Variants in SLMAP observed in about 807,000 individuals in gnomAD.
SLMAP encodes sarcolemmal membrane-associated protein.
In SLMAP, 44 loss-of-function variants were observed where a neutral mutation model predicts 128.8. The ratio of observed to expected loss-of-function variants is 0.34; its 90% CI spans 0.27 to 0.44. The LOEUF is 0.44. Ranked by LOEUF, SLMAP falls within the 20% of genes least tolerant of loss-of-function variation. The pLI is 1.00. For missense variants in SLMAP, 787 were observed against 985.3 expected (o/e 0.80, Z 2.69); for synonymous variants, 327 against 348.8 (o/e 0.94, Z 0.70).
chr3:57,859,875 A>G (rs769139379), intron 8 of SLMAP, among the ~76,000 whole-genome samples: 1 of 152,198 alleles, frequency 6.6e-6, no homozygotes, highest in Non-Finnish European at 1.5e-5. Flanking sequence ...AAAAATTTAA[A>G]TAACCCTGAG....
intron 17 of SLMAP, chr3:57,901,578 A>G (rs1173483820): frequency 3.3e-5 from 5 of 152,226 alleles, no homozygotes; most frequent in Non-Finnish European, 7.3e-5. Flanking sequence ...CATACAAAGA[A>G]CTAGGCACAT....
chr3:57,763,983 T>C (rs541225995), intron 2 of SLMAP, among the ~76,000 whole-genome samples: 4 of 152,312 alleles, frequency 2.6e-5, no homozygotes, highest in African/African-American at 9.6e-5. Flanking sequence ...TTCTGTGTGA[T>C]GTTCTTGTTT....
chr3:57,863,653 G>A (rs2095194061), intron 10 of SLMAP, among the ~76,000 whole-genome samples: 1 of 152,010 alleles, frequency 6.6e-6, no homozygotes, highest in Non-Finnish European at 1.5e-5. Context: ...GCTTTCATAG[G>A]ACTAATAGAG....
intron 2 of SLMAP, among the ~76,000 whole-genome samples, chr3:57,825,324 G>A (rs1358836551): frequency 1.3e-5 from 2 of 151,836 alleles, no homozygotes; most frequent in African/African-American, 4.8e-5. Flanking sequence ...GATCTCAATG[G>A]GGAATGCTTT....
Position 57,783,781 on chromosome 3 carries a change from C to T in SLMAP, c.198+25932C>T, listed in dbSNP as rs983439460. On this transcript the variant is annotated intron_variant, in intron 2 of 24. Transcript: ENST00000671191. ...CCATTTCAGAGATCTTCAAGGCTATCCCTGTCATCACGGGTGCAGACCTCT... is the reference window on the plus strand; with the variant it reads ...CCATTTCAGAGATCTTCAAGGCTATTCCTGTCATCACGGGTGCAGACCTCT... Among the ~76,000 whole-genome samples, 7 of 152,156 alleles carry T rather than the reference C, an allele frequency of 4.6e-5. No homozygotes were observed. In the East Asian group the frequency reaches 7.7e-4, roughly 17 times the overall value.
At position 57,858,132 on chromosome 3, in the gene SLMAP, G is replaced by A; in HGVS notation, c.660G>A (p.Met220Ile). The A allele has an allele frequency of 6.9e-6, 11 of 1,601,506 alleles. No homozygotes were observed. Among genetic ancestry groups the A allele is most frequent in the South Asian group, 2.2e-5 (2 of 90,780 alleles). ...EDRLLSRLEV[M>I]GNQLQACSKN... ...GACTCTTATCACGGTTAGAAGTTATGGGAAACCAATTACAGGCATGCTCCA... is the reference window on the plus strand; with the variant it reads ...GACTCTTATCACGGTTAGAAGTTATAGGAAACCAATTACAGGCATGCTCCA... Residue 220 changes from methionine (M) to isoleucine (I), a missense_variant, in exon 8 of 25, where the codon ATG (methionine) becomes ATA (isoleucine). This residue lies in a region of SLMAP where 715 missense variants were observed against 843.6 expected (regional missense o/e 0.85). Transcript: ENST00000671191.
intron 2 of SLMAP, among the ~76,000 whole-genome samples, chr3:57,828,571 G>A (rs1419813275): frequency 1.3e-5 from 2 of 152,140 alleles, no homozygotes; most frequent in African/African-American, 4.8e-5. Flanking sequence ...AGGGAACCAG[G>A]ACCAGATCCT....
chr3:57,898,640 A>AT (rs894612056), intron 17 of SLMAP: 1 of 152,128 alleles, frequency 6.6e-6, no homozygotes, highest in African/African-American at 2.4e-5. Flanking sequence ...TTTAGATTTG[A>AT]TTTTTATCCC....
At chr3:57,876,537 C>T (rs1417637130) in intron 14 of SLMAP, among the ~76,000 whole-genome samples, 1 of 152,154 alleles carries the variant, frequency 6.6e-6, no homozygotes, top group Non-Finnish European at 1.5e-5. Flanking sequence ...CTAAAAAAAG[C>T]TTCAGCAATA....
intron 2 of SLMAP, among the ~76,000 whole-genome samples, chr3:57,781,559 A>G (rs2083074609): frequency 6.6e-6 from 1 of 152,156 alleles, no homozygotes; most frequent in African/African-American, 2.4e-5. Context: ...AGAAACTCTG[A>G]AGGAGGCATA....
chr3:57,793,119 C>CAGAGTAAG (rs78978749), intron 2 of SLMAP, among the ~76,000 whole-genome samples: 50,059 of 151,576 alleles, frequency 0.33, 8,833 homozygotes, highest in East Asian at 0.47. Flanking sequence ...GCCCAGGTGA[C>CAGAGTAAG]ACCCTGTCTC....
chr3:57,796,168 T>A (rs2086689526), intron 2 of SLMAP, among the ~76,000 whole-genome samples: 1 of 152,224 alleles, frequency 6.6e-6, no homozygotes, highest in African/African-American at 2.4e-5. Flanking sequence ...CATCCACCAA[T>A]ATAACTATCA....
intron 6 of SLMAP, among the ~76,000 whole-genome samples, chr3:57,850,854 CA>C (rs2153580233): frequency 6.6e-6 from 1 of 152,254 alleles, no homozygotes; most frequent in East Asian, 1.9e-4. Flanking sequence ...AGGGTGGTCT[CA>C]AACTCCTGAG....
At chr3:57,888,155 A>G (rs938205520) in intron 14 of SLMAP, among the ~76,000 whole-genome samples, 10 of 152,170 alleles carry the variant, frequency 6.6e-5, no homozygotes, top group South Asian at 4.1e-4. Flanking sequence ...GTGTTTGACA[A>G]TATTGAAAGT....
At position 57,928,527 on chromosome 3, in the gene SLMAP, C is replaced by T. The variant is rs1246997969; in HGVS notation, c.*1238C>T. On this transcript the variant is annotated 3_prime_UTR_variant, in exon 25 of 25. Coordinates refer to ENST00000671191, the MANE Select transcript of SLMAP (RefSeq NM_001377540.1). ...ATAGTGTTCTATGCACAATGAAGCA[C>T]CTAAAAACACTGCTTGATATTATAA... is the stretch of plus-strand genomic sequence containing the variant. The T allele has an allele frequency of 1.3e-5, 2 of 152,106 alleles. No individual in the cohort carries two copies. Among genetic ancestry groups the T allele is most frequent in the Non-Finnish European group, 2.9e-5 (2 of 68,002 alleles). 9.4% of individuals were successfully genotyped at this position (152,106 alleles called of 1,614,324 possible).
At chr3:57,801,149 C>A (rs2088236123) in intron 2 of SLMAP, 1 of 152,644 alleles carries the variant, frequency 6.6e-6, no homozygotes, top group South Asian at 2.0e-4. Context: ...AGCAGTCTTC[C>A]TGACATCACA....
chr3:57,884,609 A>G (rs1281064917), intron 14 of SLMAP, among the ~76,000 whole-genome samples: 1 of 152,148 alleles, frequency 6.6e-6, no homozygotes, highest in Non-Finnish European at 1.5e-5. Context: ...GGAGTTCGAG[A>G]CCAGCTTGGG....
intron 2 of SLMAP, among the ~76,000 whole-genome samples, chr3:57,770,802 A>G (rs2080689968): frequency 1.3e-5 from 2 of 152,024 alleles, no homozygotes; most frequent in Non-Finnish European, 2.9e-5. Context: ...GGCTGTTAGA[A>G]TTTTTCTTTC....
chr3:57,795,787 A>T (rs2086595466), intron 2 of SLMAP, among the ~76,000 whole-genome samples: 1 of 151,994 alleles, frequency 6.6e-6, no homozygotes, highest in Admixed American at 6.6e-5. Flanking sequence ...CTTTTTCATC[A>T]TCCCAAACAG....
Sources: gnomAD v4.1 joint callset for allele counts (sites outside exome capture counted in the v4.1 genomes callset) on GRCh38, gnomAD v4.1.1 for gene constraint, gnomAD v4.1.1 regional missense constraint, MANE v1.5 for transcripts, NCBI Gene and HGNC (gene_info 2026-07-23, HGNC 2026-07-21) for gene names.